The following PTPRD variants were observed in gnomAD, a reference collection of about 807,000 sequenced individuals.
The protein encoded by PTPRD is receptor-type tyrosine-protein phosphatase delta.
Under a neutral mutation model 214.5 loss-of-function variants are expected in PTPRD, and 34 were observed. That is an observed-to-expected ratio of 0.16 (90% CI 0.12 to 0.21). PTPRD has a LOEUF of 0.21. Among genes scored for constraint, PTPRD ranks in the 10% least tolerant of loss-of-function variants. PTPRD has a pLI of 1.00. For synonymous variants in PTPRD, 1,128 were observed against 845.7 expected (o/e 1.33, Z -5.79); for missense variants, 2,545 against 2,398.7 (o/e 1.06, Z -1.27).
intron 4 of PTPRD, among the ~76,000 whole-genome samples, chr9:9,989,233 C>T (rs1160714317): frequency 6.6e-6 from 1 of 152,036 alleles, no homozygotes; most frequent in African/African-American, 2.4e-5. Context: ...GGGTCCCTGG[C>T]GAGGGTCCAT....
intron 11 of PTPRD, among the ~76,000 whole-genome samples, chr9:8,926,047 T>C (rs1474968268): frequency 6.6e-6 from 1 of 152,050 alleles, no homozygotes; most frequent in Non-Finnish European, 1.5e-5. Context: ...CTGGTATTTA[T>C]AGAAAGTACC....
In PTPRD at chr9:9,472,200, T is replaced by G. The variant is rs1189723592; in HGVS notation, c.-236-74718A>C. On this transcript the variant is annotated intron_variant, in intron 8 of 45. Coordinates refer to ENST00000381196, the MANE Select transcript of PTPRD (RefSeq NM_002839.4). ...ACCCCTACTCCAATCTTTTTTTTTT[T>G]TTTTTTCTTTTTTTGAGACGGAGTC... is the stretch of plus-strand genomic sequence containing the variant. Among the ~76,000 whole-genome samples, 5 of 94,158 alleles carry G rather than the reference T, an allele frequency of 5.3e-5. No homozygotes were observed. In the East Asian group the frequency reaches 1.4e-3, roughly 26 times the overall value. 61.8% of individuals were successfully genotyped at this position (94,158 alleles called of 152,430 possible). A position where few individuals can be genotyped will look rare whatever the true frequency, so the allele number is the denominator to read the frequency against.
chr9:8,506,261 T>C (rs1050461034), intron 22 of PTPRD, among the ~76,000 whole-genome samples: 3 of 152,072 alleles, frequency 2.0e-5, no homozygotes, highest in South Asian at 2.1e-4. Flanking sequence ...TTTTTTCAGA[T>C]AAAAAATGCT....
At chr9:10,453,203 C>T (rs559149677) in intron 2 of PTPRD, among the ~76,000 whole-genome samples, 1 of 151,822 alleles carries the variant, frequency 6.6e-6, no homozygotes, top group South Asian at 2.1e-4. Flanking sequence ...CAATACCATA[C>T]TGTTTTGATT....
chr9:9,167,978 T>G (rs1245294679), intron 10 of PTPRD, among the ~76,000 whole-genome samples: 2 of 152,164 alleles, frequency 1.3e-5, no homozygotes, highest in Admixed American at 1.3e-4. Flanking sequence ...GGTCCTTCTG[T>G]GGAGTAGATT....
chr9:9,928,974 C>T (rs2085362958), intron 5 of PTPRD, among the ~76,000 whole-genome samples: 1 of 152,086 alleles, frequency 6.6e-6, no homozygotes. Context: ...AAAATAGAGA[C>T]TATTTAGAAC....
intron 2 of PTPRD, among the ~76,000 whole-genome samples, chr9:10,341,280 G>T (rs1337657490): frequency 6.6e-6 from 1 of 151,820 alleles, no homozygotes; most frequent in Non-Finnish European, 1.5e-5. Flanking sequence ...TACAAGAAAT[G>T]CCAAACGCTA....
intron 5 of PTPRD, among the ~76,000 whole-genome samples, chr9:9,908,749 T>C (rs72692730): frequency 0.11 from 16,226 of 152,042 alleles, 1,128 homozygotes; most frequent in South Asian, 0.22. Flanking sequence ...TCAGGAGTGA[T>C]GAACAAACAA....
intron 9 of PTPRD, among the ~76,000 whole-genome samples, chr9:9,325,743 G>A (rs1969728754): frequency 1.3e-5 from 2 of 152,136 alleles, no homozygotes; most frequent in South Asian, 4.1e-4. Flanking sequence ...AATAGGAGTG[G>A]TGAGAGAGGG....
intron 8 of PTPRD, among the ~76,000 whole-genome samples, chr9:9,505,859 G>T (rs186379549): frequency 6.6e-6 from 1 of 151,260 alleles, no homozygotes; most frequent in Non-Finnish European, 1.5e-5. Context: ...TTTCTAACAT[G>T]GGACATTACA....
At chr9:9,732,479 G>A (rs1168440682) in intron 7 of PTPRD, among the ~76,000 whole-genome samples, 3 of 152,074 alleles carry the variant, frequency 2.0e-5, no homozygotes, top group African/African-American at 7.2e-5. Context: ...ATCCAGAATT[G>A]GAAATTCATA....
chr9:9,683,418 G>A (rs372732560), intron 7 of PTPRD, among the ~76,000 whole-genome samples: 7 of 151,514 alleles, frequency 4.6e-5, no homozygotes, highest in African/African-American at 1.5e-4. Context: ...ACCAGCACCT[G>A]GTAAAACAGA....
intron 8 of PTPRD, among the ~76,000 whole-genome samples, chr9:9,478,817 G>C (rs1258999663): frequency 2.6e-5 from 4 of 152,186 alleles, no homozygotes; most frequent in Non-Finnish European, 5.9e-5. Flanking sequence ...TTAATCCTCA[G>C]AATTCTGCTC....
intron 19 of PTPRD, among the ~76,000 whole-genome samples, chr9:8,522,723 G>C (rs1378258249): frequency 6.6e-6 from 1 of 152,158 alleles, no homozygotes; most frequent in Non-Finnish European, 1.5e-5. Context: ...GATACAAGGA[G>C]AAAGTGAAAG....
chr9:9,067,663 AT>A (rs2099737011), intron 10 of PTPRD, among the ~76,000 whole-genome samples: 1 of 152,174 alleles, frequency 6.6e-6, no homozygotes, highest in African/African-American at 2.4e-5. Context: ...TATAATATAG[AT>A]TTGCATATGG....
chr9:8,748,778 G>A (rs1260561314), intron 11 of PTPRD, among the ~76,000 whole-genome samples: 1 of 152,084 alleles, frequency 6.6e-6, no homozygotes, highest in Non-Finnish European at 1.5e-5. Flanking sequence ...AGGCATGGTG[G>A]CGCATGCCTG....
chr9:9,183,728 T>G (rs899429132), intron 9 of PTPRD, among the ~76,000 whole-genome samples: 2 of 152,032 alleles, frequency 1.3e-5, no homozygotes, highest in African/African-American at 4.8e-5. Context: ...TACAATTACA[T>G]AATACATTTC....
chr9:9,602,237 C>T (rs2093826248), intron 7 of PTPRD, among the ~76,000 whole-genome samples: 1 of 151,858 alleles, frequency 6.6e-6, no homozygotes, highest in African/African-American at 2.4e-5. Flanking sequence ...TACTTTCAGT[C>T]TGAAAAAATA....
chr9:10,320,903 G>A (rs765922042), intron 3 of PTPRD, among the ~76,000 whole-genome samples: 2 of 151,750 alleles, frequency 1.3e-5, no homozygotes, highest in Non-Finnish European at 2.9e-5. Context: ...AATTTTTGTG[G>A]TTTTTGTAGA....
Sources: allele counts gnomAD v4.1 joint callset (sites outside exome capture counted in the v4.1 genomes callset), GRCh38; gene constraint gnomAD v4.1.1; transcripts MANE v1.5; gene names NCBI Gene and HGNC (gene_info 2026-07-23, HGNC 2026-07-21).